Variants in NEO1 observed in about 807,000 individuals in gnomAD.
NEO1 encodes the protein neogenin.
NEO1 carries 63 observed loss-of-function variants against 159.7 expected under a neutral mutation model. The ratio of observed to expected loss-of-function variants is 0.39; its 90% CI spans 0.32 to 0.49. NEO1 has a LOEUF of 0.49. Ranked by LOEUF, NEO1 falls within the 20% of genes least tolerant of loss-of-function variation. The pLI, the probability that NEO1 is intolerant of heterozygous loss-of-function variation, is 0.85. For synonymous variants in NEO1, 633 were observed against 662.0 expected (o/e 0.96, Z 0.67); for missense variants, 1,615 against 1,831.0 (o/e 0.88, Z 2.15).
At chr15:73,198,835 G>A (rs191779119) in intron 7 of NEO1, among the ~76,000 whole-genome samples, 2 of 151,328 alleles carry the variant, frequency 1.3e-5, no homozygotes, top group African/African-American at 4.8e-5. Context: ...CTTTATCTTA[G>A]GATTATATTA....
At chr15:73,071,273 G>T (rs535116183) in intron 1 of NEO1, among the ~76,000 whole-genome samples, 1 of 152,258 alleles carries the variant, frequency 6.6e-6, no homozygotes, top group Non-Finnish European at 1.5e-5. Flanking sequence ...ACTACTTTCA[G>T]GGCATCATTA....
chr15:73,115,664 C>T (rs10467948), intron 1 of NEO1, among the ~76,000 whole-genome samples: 43,688 of 151,968 alleles, frequency 0.29, 7,695 homozygotes, highest in Admixed American at 0.43. Context: ...GAGTTGTTTA[C>T]AAGGGAATTG....
intron 5 of NEO1, among the ~76,000 whole-genome samples, chr15:73,164,211 T>G (rs754816105): frequency 3.9e-4 from 39 of 100,436 alleles, no homozygotes; most frequent in Non-Finnish European, 7.1e-4. Context: ...TTATTATTGG[T>G]TTTTTTTTTT....
intron 7 of NEO1, among the ~76,000 whole-genome samples, chr15:73,231,350 A>G (rs1390180442): frequency 2.0e-5 from 3 of 152,210 alleles, no homozygotes; most frequent in Non-Finnish European, 4.4e-5. Context: ...AAAATAATAT[A>G]TAGTGTGTTC....
At chr15:73,200,691 T>G (rs886470684) in intron 7 of NEO1, among the ~76,000 whole-genome samples, 2 of 148,266 alleles carry the variant, frequency 1.3e-5, no homozygotes, top group African/African-American at 5.0e-5. Context: ...TTTTTTTTTT[T>G]TGAGACAGGG....
intron 1 of NEO1, among the ~76,000 whole-genome samples, chr15:73,056,199 C>T (rs2067689187): frequency 6.6e-6 from 1 of 152,234 alleles, no homozygotes; most frequent in African/African-American, 2.4e-5. Context: ...CCCTAACATG[C>T]ACCTTGCATT....
chr15:73,200,519 T>G (rs1596325927), intron 7 of NEO1, among the ~76,000 whole-genome samples: 9 of 128,148 alleles, frequency 7.0e-5, no homozygotes, highest in East Asian at 2.2e-4. Flanking sequence ...GGAAAGGGAG[T>G]CTCTAGAGAG....
chr15:73,284,296 T>G (rs146877617), intron 23 of NEO1, among the ~76,000 whole-genome samples: 5 of 152,216 alleles, frequency 3.3e-5, no homozygotes, highest in African/African-American at 1.2e-4. Context: ...GAAATTCATG[T>G]TTATGTGATT....
At position 73,099,237 on chromosome 15, in the gene NEO1, A is replaced by G. The variant is rs529749632; in HGVS notation, c.131-17303A>G. 5.9e-5 allele frequency among the ~76,000 whole-genome samples: 9 copies of G among 152,276 alleles called. 1 individual carries two copies. The South Asian group carries it at 1.7e-3, about 28-fold the overall frequency. ...GGTTTCCCCTCTTTTCTTCAATATT[A>G]TTTTGTATCACAAGTGTGTTATCAA... On this transcript the variant is annotated intron_variant, in intron 1 of 28. Coordinates refer to ENST00000261908, the MANE Select transcript of NEO1 (RefSeq NM_002499.4).
At chr15:73,100,046 C>T (rs942408761) in intron 1 of NEO1, among the ~76,000 whole-genome samples, 12 of 152,086 alleles carry the variant, frequency 7.9e-5, no homozygotes, top group African/African-American at 2.4e-4. Context: ...CCATTGTTCT[C>T]GATAATTTTT....
At chr15:73,191,340 T>A (rs951722944) in intron 7 of NEO1, among the ~76,000 whole-genome samples, 24 of 151,892 alleles carry the variant, frequency 1.6e-4, no homozygotes, top group African/African-American at 5.8e-4. Context: ...ATAATAGTAA[T>A]TGGAAAGAAC....
intron 1 of NEO1, among the ~76,000 whole-genome samples, chr15:73,096,790 C>G (rs1452339744): frequency 6.6e-6 from 1 of 151,986 alleles, no homozygotes; most frequent in Non-Finnish European, 1.5e-5. Flanking sequence ...TTTTTGTTTC[C>G]TAATCTTAAA....
In NEO1 at chr15:73,261,635, A is replaced by G. The variant is rs539430211; in HGVS notation, c.2398+1170A>G. On this transcript the variant is annotated intron_variant, in intron 15 of 28. Transcript: ENST00000261908. ...TATAAAATGTGTGTAATATCTGTGC[A>G]CTGAAAATAGAAAATTGTTACTGAG... Among the ~76,000 whole-genome samples, 5 of 152,336 alleles carry G rather than the reference A, an allele frequency of 3.3e-5. No individual in the cohort carries two copies. The East Asian group carries it at 9.6e-4, about 29-fold the overall frequency.
chr15:73,081,424 G>T (rs1447877440), intron 1 of NEO1, among the ~76,000 whole-genome samples: 1 of 152,128 alleles, frequency 6.6e-6, no homozygotes, highest in Non-Finnish European at 1.5e-5. Context: ...CTACCCTGTG[G>T]TTAACTGGCT....
At chr15:73,071,255 G>A (rs4238459) in intron 1 of NEO1, among the ~76,000 whole-genome samples, 20,116 of 152,086 alleles carry the variant, frequency 0.13, 2,066 homozygotes, top group African/African-American at 0.28. Context: ...GATTCTTTAT[G>A]TGTAGTTACT....
At chr15:73,122,016 T>C (rs1371635530) in intron 2 of NEO1, among the ~76,000 whole-genome samples, 79 of 149,566 alleles carry the variant, frequency 5.3e-4, no homozygotes, top group Non-Finnish European at 8.9e-5. Flanking sequence ...ATGCTGCACC[T>C]TCTCTGTGGA....
intron 1 of NEO1, among the ~76,000 whole-genome samples, chr15:73,105,214 A>C (rs1374895561): frequency 6.6e-6 from 1 of 152,208 alleles, no homozygotes; most frequent in African/African-American, 2.4e-5. Flanking sequence ...CTTAAAGGAT[A>C]AACAGAAAAG....
chr15:73,146,522 G>A (rs1035444360), intron 5 of NEO1, among the ~76,000 whole-genome samples: 1 of 152,210 alleles, frequency 6.6e-6, no homozygotes, highest in Admixed American at 6.5e-5. Flanking sequence ...ATTTTGGATT[G>A]GTTTGCAGTT....
intron 27 of NEO1, among the ~76,000 whole-genome samples, chr15:73,299,402 T>G (rs1279502659): frequency 6.6e-6 from 1 of 152,088 alleles, no homozygotes; most frequent in African/African-American, 2.4e-5. Context: ...TTTTTTTTAT[T>G]TGGGATGGAG....
Sources: allele counts gnomAD v4.1 joint callset (sites outside exome capture counted in the v4.1 genomes callset), GRCh38; gene constraint gnomAD v4.1.1; transcripts MANE v1.5; gene names NCBI Gene and HGNC (gene_info 2026-07-23, HGNC 2026-07-21).